The following MAOA variants were observed in gnomAD, a reference collection of about 807,000 sequenced individuals.
MAOA encodes the protein monoamine oxidase A.
In MAOA, 6 loss-of-function variants were observed where a neutral mutation model predicts 42.0. That is an observed-to-expected ratio of 0.14 (90% CI 0.08 to 0.28). The LOEUF (loss-of-function observed/expected upper bound fraction) is 0.28. Ranked by LOEUF, MAOA falls within the 10% of genes least tolerant of loss-of-function variation. The pLI is 1.00. For missense variants in MAOA, 262 were observed against 422.3 expected, an observed-to-expected ratio of 0.62 and a Z score of 3.33; for synonymous variants, 140 against 154.0, an observed-to-expected ratio of 0.91 and a Z score of 0.67.
intron 1 of MAOA, among the ~76,000 whole-genome samples, chrX:43,672,467 A>C (rs1029536462): frequency 4.5e-5 from 5 of 111,195 alleles, no homozygotes; most frequent in African/African-American, 1.6e-4. Flanking sequence ...CTGGCCAGAA[A>C]TTCCAACACT....
intron 3 of MAOA, among the ~76,000 whole-genome samples, chrX:43,696,172 G>A (rs2147086852): frequency 8.9e-6 from 1 of 111,788 alleles, no homozygotes; most frequent in Admixed American, 9.5e-5. Context: ...GTAGCATCCA[G>A]GGTCCCTTTT....
chrX:43,737,169 A>G (rs764388624), intron 10 of MAOA, among the ~76,000 whole-genome samples: 1 of 110,917 alleles, frequency 9.0e-6, no homozygotes, highest in African/African-American at 3.3e-5. Flanking sequence ...AGTTTCAATT[A>G]GCAGGTTCTT....
At chrX:43,703,779 C>A (rs749356296) in intron 3 of MAOA, among the ~76,000 whole-genome samples, 2 of 111,324 alleles carry the variant, frequency 1.8e-5, no homozygotes, top group South Asian at 3.8e-4. Context: ...ATTAGGAGTC[C>A]TAGGAAGCCT....
intron 3 of MAOA, among the ~76,000 whole-genome samples, chrX:43,711,469 C>T (rs899303040): frequency 8.9e-6 from 1 of 112,144 alleles, no homozygotes; most frequent in Non-Finnish European, 1.9e-5. Context: ...AAAGACAGTC[C>T]TCCACGTCAT....
At chrX:43,729,756 G>A (rs1273459118) in intron 6 of MAOA, among the ~76,000 whole-genome samples, 1 of 111,580 alleles carries the variant, frequency 9.0e-6, no homozygotes, top group African/African-American at 3.3e-5. Context: ...AAGATCACAG[G>A]CATGAGCCAC....
chrX:43,729,922 G>A (rs1359233091), intron 6 of MAOA, among the ~76,000 whole-genome samples: 1 of 111,237 alleles, frequency 9.0e-6, no homozygotes, highest in Non-Finnish European at 1.9e-5. Flanking sequence ...GGCTGGGCGC[G>A]GTGGCTCACA....
In MAOA at chrX:43,744,506, G is replaced by T; in HGVS notation, c.1577G>T (p.Arg526Leu). 1.7e-6 allele frequency: 2 copies of T among 1,210,087 alleles called. No individual in the cohort carries two copies. The highest frequency in any genetic ancestry group is 2.2e-6 in the Non-Finnish European group (2 of 894,425). ...CTGTACAAATACAAGCTCCTGCCACGGTCTTGAAGTTCTGTTCTTATGCTC... is the reference window on the plus strand; with the variant it reads ...CTGTACAAATACAAGCTCCTGCCACTGTCTTGAAGTTCTGTTCTTATGCTC... ...FVLYKYKLLP[R>L]S Residue 526 changes from arginine (R) to leucine (L), a missense_variant, in exon 15 of 15, where the codon CGG becomes CTG. Physicochemically the swap from Arg to Leu is moderately radical, Grantham distance 102. This residue lies in a region of MAOA where 35 missense variants were observed against 36.4 expected (regional missense o/e 0.96). Transcript: ENST00000338702.
chrX:43,731,134 A>G (rs2033877549), intron 6 of MAOA, 107 bp from the exon 7 acceptor site: 1 of 744,358 alleles, frequency 1.3e-6, no homozygotes, highest in Non-Finnish European at 2.1e-6. Flanking sequence ...TGCAGACGTT[A>G]GAGGTGTGGC....
At chrX:43,701,159 CT>C (rs1184235873) in intron 3 of MAOA, among the ~76,000 whole-genome samples, 8 of 111,498 alleles carry the variant, frequency 7.2e-5, no homozygotes, top group Non-Finnish European at 1.1e-4. Flanking sequence ...AACTTTCATT[CT>C]TTTTTCCCCC....
At chrX:43,674,502 GT>G (rs1449441677) in intron 1 of MAOA, among the ~76,000 whole-genome samples, 1 of 110,086 alleles carries the variant, frequency 9.1e-6, no homozygotes, top group African/African-American at 3.3e-5. Flanking sequence ...ATGTTAGCTG[GT>G]TATTTTGCTC....
intron 5 of MAOA, among the ~76,000 whole-genome samples, chrX:43,725,345 G>T (rs1270297380): frequency 1.8e-5 from 2 of 111,973 alleles, no homozygotes; most frequent in Non-Finnish European, 3.8e-5. Flanking sequence ...TACGAACCTG[G>T]ATGTTCCTGT....
In MAOA at chrX:43,671,467, T is replaced by A. The variant is rs1420860709; in HGVS notation, c.74-12046T>A. 4.4e-4 allele frequency among the ~76,000 whole-genome samples: 49 copies of A among 112,451 alleles called. 2 individuals are homozygous for A. Among genetic ancestry groups the A allele is most frequent in the East Asian group, 2.5e-3 (9 of 3,594 alleles). ...TTTAATTAGATCCCATTTGTCAATTTTGGCTTTTGTTGCCACTGCTTTTGG... is the reference window on the plus strand; with the variant it reads ...TTTAATTAGATCCCATTTGTCAATTATGGCTTTTGTTGCCACTGCTTTTGG... On this transcript the variant is annotated intron_variant, in intron 1 of 14. Coordinates refer to ENST00000338702, the MANE Select transcript of MAOA (RefSeq NM_000240.4).
At chrX:43,696,306 T>A (rs1369564116) in intron 3 of MAOA, among the ~76,000 whole-genome samples, 3 of 112,348 alleles carry the variant, frequency 2.7e-5, no homozygotes, top group Non-Finnish European at 5.6e-5. Context: ...CTCTACCATA[T>A]TTTTATTTCA....
At chrX:43,712,023 A>C in intron 4 of MAOA, 47 bp downstream of exon 4, 1 of 883,828 alleles carries the variant, frequency 1.1e-6, no homozygotes, top group Non-Finnish European at 1.7e-6. Context: ...TGAAATAACA[A>C]TGGCAACTGT....
chrX:43,700,935 G>T (rs1425722880), intron 3 of MAOA, among the ~76,000 whole-genome samples: 2 of 111,789 alleles, frequency 1.8e-5, no homozygotes, highest in African/African-American at 6.5e-5. Context: ...GGTAAGGATA[G>T]GCAAGTAGTT....
intron 3 of MAOA, among the ~76,000 whole-genome samples, chrX:43,705,912 A>T (rs768452053): frequency 8.9e-6 from 1 of 112,475 alleles, no homozygotes; most frequent in South Asian, 3.7e-4. Context: ...ACAATGAGAT[A>T]TCCCTTCACA....
At chrX:43,667,724 A>G (rs1238660540) in intron 1 of MAOA, among the ~76,000 whole-genome samples, 3 of 111,628 alleles carry the variant, frequency 2.7e-5, no homozygotes, top group African/African-American at 9.8e-5. Context: ...ATATTGAAAG[A>G]TGACTCTTCA....
intron 1 of MAOA, among the ~76,000 whole-genome samples, chrX:43,663,490 A>C (rs1286698306): frequency 9.0e-6 from 1 of 111,643 alleles, no homozygotes; most frequent in Non-Finnish European, 1.9e-5. Context: ...AAGGGACTGA[A>C]ACAGAGGCTC....
chrX:43,716,118 G>T (rs762641117), intron 5 of MAOA, among the ~76,000 whole-genome samples: 2 of 111,397 alleles, frequency 1.8e-5, no homozygotes, highest in Non-Finnish European at 3.8e-5. Context: ...AGAAAAGATA[G>T]TGAGGCAGGA....
Sources: gnomAD v4.1 joint callset for allele counts (sites outside exome capture counted in the v4.1 genomes callset) on GRCh38, gnomAD v4.1.1 for gene constraint, gnomAD v4.1.1 regional missense constraint, MANE v1.5 for transcripts, NCBI Gene and HGNC (gene_info 2026-07-23, HGNC 2026-07-21) for gene names.